TENM2: variants seen among roughly 807,000 people sequenced by gnomAD.
The protein encoded by TENM2 is teneurin-2.
In TENM2, 52 loss-of-function variants were observed where a neutral mutation model predicts 245.2. The observed-to-expected ratio is 0.21, with a 90% confidence interval of 0.17 to 0.27. The LOEUF (loss-of-function observed/expected upper bound fraction) is 0.27. Ranked by LOEUF, TENM2 falls within the 10% of genes least tolerant of loss-of-function variation. The probability of loss-of-function intolerance (pLI) is 1.00; values close to 1 mark genes in which losing one functional copy is unlikely to be tolerated. For synonymous variants in TENM2, 1,363 were observed against 1,438.9 expected (o/e 0.95, Z 1.19); for missense variants, 3,046 against 3,666.8 (o/e 0.83, Z 4.37).
intron 2 of TENM2, among the ~76,000 whole-genome samples, chr5:167,452,962 T>TATATATATATTTTATATATATATATATA (rs1406197551): frequency 2.1e-5 from 2 of 96,786 alleles, no homozygotes; most frequent in South Asian, 4.2e-4. Flanking sequence ...TATATATATA[T>TATATATATATTTTATATATATATATATA]TTAAAAAAAA....
chr5:168,044,233 G>T (rs1371528467), intron 5 of TENM2, among the ~76,000 whole-genome samples: 2 of 152,118 alleles, frequency 1.3e-5, no homozygotes, highest in Non-Finnish European at 2.9e-5. Flanking sequence ...GGCTAACACG[G>T]TGAAACCCCG....
the TENM2 span, among the ~76,000 whole-genome samples, chr5:167,108,736 G>A: frequency 6.6e-6 from 1 of 152,210 alleles, no homozygotes; most frequent in Non-Finnish European, 1.5e-5. Flanking sequence ...CCATATGTAA[G>A]ACGTAGGGGA....
chr5:168,162,873 A>G (rs1462650238), intron 13 of TENM2, 116 bp downstream of exon 15: 2 of 1,298,544 alleles, frequency 1.5e-6, no homozygotes, highest in Non-Finnish European at 2.1e-6. Context: ...ATGTTGTTGT[A>G]ACATTTTCTT....
the TENM2 span, among the ~76,000 whole-genome samples, chr5:167,153,116 C>T: frequency 1.3e-5 from 2 of 151,416 alleles, no homozygotes; most frequent in Admixed American, 6.6e-5. Flanking sequence ...CACACACACA[C>T]ACACAGATAC....
chr5:167,820,361 G>A (rs535816624), intron 2 of TENM2, among the ~76,000 whole-genome samples: 64 of 152,288 alleles, frequency 4.2e-4, no homozygotes, highest in African/African-American at 1.5e-3. Context: ...AGCGTACCTC[G>A]CTTTGTGCAG....
At chr5:167,816,860 C>A (rs1451995810) in intron 2 of TENM2, among the ~76,000 whole-genome samples, 1 of 152,068 alleles carries the variant, frequency 6.6e-6, no homozygotes, top group Non-Finnish European at 1.5e-5. Flanking sequence ...AAATGTTCAA[C>A]TTATTGCTGG....
At chr5:167,240,738 G>T in the TENM2 span, among the ~76,000 whole-genome samples, 3 of 152,296 alleles carry the variant, frequency 2.0e-5, no homozygotes, top group Non-Finnish European at 4.4e-5. Context: ...TCAGGAATAT[G>T]TGCTACCTTC....
At chr5:167,132,023 A>T in the TENM2 span, among the ~76,000 whole-genome samples, 1 of 151,958 alleles carries the variant, frequency 6.6e-6, no homozygotes, top group Non-Finnish European at 1.5e-5. Context: ...GGGTTTCACC[A>T]TGTTGGCCAG....
intron 2 of TENM2, among the ~76,000 whole-genome samples, chr5:167,621,038 G>C (rs762484562): frequency 6.6e-6 from 1 of 152,046 alleles, no homozygotes. Context: ...TAAGGAGAGA[G>C]ACAGGATGGA....
intron 13 of TENM2, among the ~76,000 whole-genome samples, chr5:168,184,136 T>C (rs181840305): frequency 6.6e-6 from 1 of 152,358 alleles, no homozygotes; most frequent in East Asian, 1.9e-4. Context: ...ACTTTGCCTG[T>C]TCTTGAACAT....
intron 2 of TENM2, among the ~76,000 whole-genome samples, chr5:167,747,711 A>G (rs1761690285): frequency 6.6e-6 from 1 of 152,160 alleles, no homozygotes; most frequent in African/African-American, 2.4e-5. Flanking sequence ...GTTACTTGCC[A>G]TAAATTTGGT....
intron 1 of TENM2, among the ~76,000 whole-genome samples, chr5:167,304,922 A>T (rs906332214): frequency 5.3e-5 from 8 of 152,284 alleles, no homozygotes; most frequent in African/African-American, 1.7e-4. Context: ...TGCCTCACTC[A>T]TCTTTCTATC....
intron 2 of TENM2, among the ~76,000 whole-genome samples, chr5:167,678,782 T>A (rs1245218240): frequency 2.0e-5 from 3 of 152,144 alleles, no homozygotes; most frequent in Admixed American, 6.6e-5. Flanking sequence ...GTCAGTATAA[T>A]TGCTTCAAAT....
the TENM2 span, among the ~76,000 whole-genome samples, chr5:167,263,387 T>G: frequency 2.6e-5 from 4 of 152,158 alleles, no homozygotes; most frequent in Non-Finnish European, 5.9e-5. Flanking sequence ...AAGCTGGAAT[T>G]CGAAGCCATG....
intron 1 of TENM2, 93 bp from the exon 4 acceptor site, chr5:167,375,105 T>A: frequency 7.6e-7 from 1 of 1,320,528 alleles, no homozygotes; most frequent in Non-Finnish European, 1.0e-6. Flanking sequence ...ATCTGTCAGA[T>A]GGGAAAAGTG....
chr5:167,154,469 C>A, the TENM2 span, among the ~76,000 whole-genome samples: 1 of 152,104 alleles, frequency 6.6e-6, no homozygotes, highest in African/African-American at 2.4e-5. Context: ...CCAGATTTTC[C>A]ATTACTGCAA....
At chr5:167,886,118 A>G (rs1006269774) in intron 3 of TENM2, among the ~76,000 whole-genome samples, 9 of 152,190 alleles carry the variant, frequency 5.9e-5, no homozygotes, top group Non-Finnish European at 1.0e-4. Flanking sequence ...GCTAGAGGAC[A>G]TGGACACCAT....
At chr5:167,471,963 C>T (rs922349779) in intron 2 of TENM2, among the ~76,000 whole-genome samples, 13 of 152,198 alleles carry the variant, frequency 8.5e-5, no homozygotes, top group African/African-American at 3.1e-4. Context: ...CCTTGGTATG[C>T]AACGCCATTG....
the TENM2 span, among the ~76,000 whole-genome samples, chr5:167,101,849 T>TATATATA: frequency 5.3e-4 from 37 of 69,430 alleles, 1 homozygote; most frequent in African/African-American, 1.4e-3. Flanking sequence ...ATATATATAT[T>TATATATA]TATATATATA....
Sources: allele counts gnomAD v4.1 joint callset (sites outside exome capture counted in the v4.1 genomes callset), GRCh38; gene constraint gnomAD v4.1.1; transcripts MANE v1.5; gene names NCBI Gene and HGNC (gene_info 2026-07-23, HGNC 2026-07-21).